ZNF566: variants seen among roughly 807,000 people sequenced by gnomAD.
ZNF566 encodes zinc finger protein 566.
ZNF566 carries 27 observed loss-of-function variants against 32.8 expected under a neutral mutation model. The ratio of observed to expected loss-of-function variants is 0.82; its 90% CI spans 0.61 to 1.14. The LOEUF is 1.14. Ranked by LOEUF, ZNF566 falls within the 50% of genes most tolerant of loss-of-function variation. The pLI, the probability that ZNF566 is intolerant of heterozygous loss-of-function variation, is 0.00. For missense variants in ZNF566, 402 were observed against 490.4 expected (o/e 0.82, Z 1.70); for synonymous variants, 154 against 159.5 (o/e 0.97, Z 0.26).
At chr19:36,472,795 G>A in intron 4 of ZNF566, 116 bp downstream of exon 4, 1 of 740,054 alleles carries the variant, frequency 1.4e-6, no homozygotes, top group Non-Finnish European at 2.2e-6. Context: ...ATGTAGAAAA[G>A]GTCTTACATT....
chr19:36,453,371 G>C (rs2033212713), intron 4 of ZNF566, among the ~76,000 whole-genome samples: 4 of 151,318 alleles, frequency 2.6e-5, no homozygotes. Flanking sequence ...TACTCAGGAG[G>C]CTGAGGCAGG....
At position 36,448,684 on chromosome 19, in the gene ZNF566, G is replaced by A. The variant is rs916343997; in HGVS notation, c.*293C>T. 4.3e-6 allele frequency: 1 copy of A among 233,560 alleles called. No homozygotes were observed. 14.5% of individuals were successfully genotyped at this position (233,560 alleles called of 1,614,324 possible). On this transcript the variant is annotated 3_prime_UTR_variant, in exon 5 of 5. Coordinates refer to ENST00000452939, the MANE Select transcript of ZNF566 (RefSeq NM_001145344.1). Reference sequence around the variant, plus strand: ...ACAAAAATTCTCTGACGTTAAGAAGGTTAGAAAGGTGTTAAAAGTGCTGTC... The same window carrying A: ...ACAAAAATTCTCTGACGTTAAGAAGATTAGAAAGGTGTTAAAAGTGCTGTC...
rs1461274585 is a variant in ZNF566, at chr19:36,472,960, C to T, written c.183G>A (p.Gly61=). ...CTCTGTCAGCCAACCAGGGCTCCTT[C>T]CCTTGCTCCAAGTAGGAGATCACAT... ...KPNVISYLEQ[G]KEPWLADREL... Residue 61 remains glycine (G), a synonymous_variant, in exon 4 of 5, where the codon GGG becomes GGA. Transcript: ENST00000452939. 1 of 1,614,058 alleles carries T rather than the reference C, an allele frequency of 6.2e-7. No individual in the cohort carries two copies. The highest frequency in any genetic ancestry group is 2.2e-5 in the East Asian group (1 of 44,874).
At chr19:36,476,658 C>T in intron 1 of ZNF566, 42 bp from the exon 2 acceptor site, 4 of 1,522,840 alleles carry the variant, frequency 2.6e-6, no homozygotes, top group Non-Finnish European at 3.6e-6. Context: ...CCACTTTCCT[C>T]ACAGCTCCTG....
intron 1 of ZNF566, among the ~76,000 whole-genome samples, chr19:36,485,892 A>C (rs1168723278): frequency 6.6e-6 from 1 of 151,838 alleles, no homozygotes; most frequent in Non-Finnish European, 1.5e-5. Context: ...TGTCTCTGCT[A>C]AAAATACAAA....
intron 4 of ZNF566, among the ~76,000 whole-genome samples, chr19:36,457,342 A>C (rs1211303248): frequency 1.3e-5 from 2 of 152,230 alleles, no homozygotes; most frequent in Admixed American, 6.5e-5. Context: ...CAAACTCAAA[A>C]GCTTCTGCAC....
chr19:36,465,483 C>CT (rs35816698), intron 4 of ZNF566, among the ~76,000 whole-genome samples: 82,203 of 150,134 alleles, frequency 0.55, 22,763 homozygotes, highest in African/African-American at 0.62. Flanking sequence ...TTTATAAATA[C>CT]TTTTTTTTTT....
Position 36,477,707 on chromosome 19 carries a change from T to C in ZNF566, c.-59-1091A>G, listed in dbSNP as rs150533569. 3.1e-4 allele frequency among the ~76,000 whole-genome samples: 47 copies of C among 152,104 alleles called. 1 individual carries two copies. In the East Asian group the frequency reaches 8.9e-3, roughly 29 times the overall value. On this transcript the variant is annotated intron_variant, in intron 1 of 4. Coordinates refer to ENST00000452939, the MANE Select transcript of ZNF566 (RefSeq NM_001145344.1). ...GCTCCCGCCACCACGCCCGCCTAAT[T>C]TTTGTATTTTTAGTAGAGACGGGTT... is the stretch of plus-strand genomic sequence containing the variant.
At chr19:36,477,524 C>CTTT (rs1568528960) in intron 1 of ZNF566, among the ~76,000 whole-genome samples, 4 of 106,714 alleles carry the variant, frequency 3.7e-5, no homozygotes, top group African/African-American at 1.1e-4. Flanking sequence ...TTTTCTGTTT[C>CTTT]TGTTTTTTTT....
chr19:36,460,420 C>A (rs2033432683), intron 4 of ZNF566, among the ~76,000 whole-genome samples: 3 of 151,476 alleles, frequency 2.0e-5, no homozygotes. Context: ...GTGCAGTAGC[C>A]GAAATAAAAA....
chr19:36,476,716 G>C (rs533122384), intron 1 of ZNF566, 100 bp from the exon 2 acceptor site: 28 of 974,656 alleles, frequency 2.9e-5, no homozygotes, highest in East Asian at 1.6e-4. Flanking sequence ...AAATGCTTGT[G>C]GGGTATCAGT....
chr19:36,464,930 T>C (rs1244546742), intron 4 of ZNF566, among the ~76,000 whole-genome samples: 1 of 152,206 alleles, frequency 6.6e-6, no homozygotes, highest in Non-Finnish European at 1.5e-5. Flanking sequence ...AAAGAATTAC[T>C]GTTCTTCAAA....
chr19:36,476,746 C>G, intron 1 of ZNF566, 130 bp from the exon 2 acceptor site: 1 of 671,608 alleles, frequency 1.5e-6, no homozygotes, highest in Non-Finnish European at 2.4e-6. Flanking sequence ...GGGCAAATGT[C>G]TCTATCATCC....
chr19:36,465,946 A>G (rs1287831076), intron 4 of ZNF566, among the ~76,000 whole-genome samples: 2 of 151,674 alleles, frequency 1.3e-5, no homozygotes, highest in Admixed American at 6.6e-5. Context: ...AAAAACAGAT[A>G]AAGAGTAAGA....
chr19:36,471,638 C>T (rs1051411991), intron 4 of ZNF566, among the ~76,000 whole-genome samples: 1 of 152,156 alleles, frequency 6.6e-6, no homozygotes, highest in Non-Finnish European at 1.5e-5. Flanking sequence ...TCCTCTACTT[C>T]TTATTTCTTT....
chr19:36,480,966 C>A (rs546456187), intron 1 of ZNF566, among the ~76,000 whole-genome samples: 31 of 151,852 alleles, frequency 2.0e-4, no homozygotes, highest in African/African-American at 7.5e-4. Flanking sequence ...TCGCTTGAAC[C>A]CAGGAGACAG....
In ZNF566 at chr19:36,448,745, T is replaced by C. The variant is rs1230557200; in HGVS notation, c.*232A>G. On this transcript the variant is annotated 3_prime_UTR_variant, in exon 5 of 5. Coordinates refer to ENST00000452939, the MANE Select transcript of ZNF566 (RefSeq NM_001145344.1). ...TGACAGACTGAATTATCTATCATAT[T>C]GCTAGACTGAATTATCTGATGTCAA... The C allele has an allele frequency of 5.1e-6, 2 of 390,060 alleles. No homozygotes were observed. The highest frequency in any genetic ancestry group is 4.5e-6 in the Non-Finnish European group (1 of 220,710). The allele number at this position is 390,060 out of a possible 1,614,324, so 24.2% of individuals were successfully genotyped here.
intron 4 of ZNF566, among the ~76,000 whole-genome samples, chr19:36,456,045 GA>G (rs911976465): frequency 9.4e-5 from 13 of 138,208 alleles, no homozygotes; most frequent in Non-Finnish European, 1.4e-4. Flanking sequence ...TCTCAAAAAA[GA>G]AAAAAAAAAG....
rs187425941 is a variant in ZNF566 at position 36,475,349 on chromosome 19, A to G, written c.9+1200T>C. 1.1e-4 allele frequency among the ~76,000 whole-genome samples: 16 copies of G among 152,154 alleles called. No individual in the cohort carries two copies. The East Asian group carries it at 3.1e-3, about 29-fold the overall frequency. On this transcript the variant is annotated intron_variant, in intron 2 of 4. Transcript: ENST00000452939. ...TCACCACGTTTGGCCACTGACATCA[A>G]TTTTTCATGGATGCTTAGTGAGGTG...
Sources: allele counts gnomAD v4.1 joint callset (sites outside exome capture counted in the v4.1 genomes callset), GRCh38; gene constraint gnomAD v4.1.1; transcripts MANE v1.5; gene names NCBI Gene and HGNC (gene_info 2026-07-23, HGNC 2026-07-21).